The following TPO variants were observed in gnomAD, a reference collection of about 807,000 sequenced individuals.
TPO encodes the protein thyroid microsomal antigen.
A neutral mutation model predicts 96.9 loss-of-function variants in TPO; 78 were observed. That is an observed-to-expected ratio of 0.81 (90% CI 0.67 to 0.97). The LOEUF is 0.97. Ranked by LOEUF, TPO falls within the 50% of genes least tolerant of loss-of-function variation. TPO has a pLI of 0.00. For synonymous variants in TPO, 547 were observed against 538.0 expected, an observed-to-expected ratio of 1.02 and a Z score of -0.23; for missense variants, 1,252 against 1,274.8, an observed-to-expected ratio of 0.98 and a Z score of 0.27.
chr2:1,528,750 A>C (rs1573579076), intron 15 of TPO, among the ~76,000 whole-genome samples: 6 of 68,046 alleles, frequency 8.8e-5, no homozygotes, highest in South Asian at 5.9e-4. Context: ...AATCCCCCAC[A>C]CTGTGTGCAG....
At chr2:1,458,158 G>A (rs1668040115) in intron 7 of TPO, among the ~76,000 whole-genome samples, 1 of 151,620 alleles carries the variant, frequency 6.6e-6, no homozygotes, top group South Asian at 2.1e-4. Context: ...ATAGCGTGTG[G>A]ACACGTGTGT....
At chr2:1,537,165 C>T (rs1398098058) in intron 15 of TPO, among the ~76,000 whole-genome samples, 1 of 118,832 alleles carries the variant, frequency 8.4e-6, no homozygotes, top group Admixed American at 9.1e-5. Flanking sequence ...TGCAAGTGCC[C>T]CCTATTTCCC....
intron 11 of TPO, among the ~76,000 whole-genome samples, chr2:1,495,673 C>G (rs925140276): frequency 6.6e-6 from 1 of 152,242 alleles, no homozygotes; most frequent in African/African-American, 2.4e-5. Context: ...GCTGCCCCTC[C>G]ACATCTCCTT....
chr2:1,515,183 C>T (rs1674555136), intron 14 of TPO, among the ~76,000 whole-genome samples: 1 of 152,252 alleles, frequency 6.6e-6, no homozygotes, highest in African/African-American at 2.4e-5. Context: ...CCCCGCACCC[C>T]CAGCCCCAGG....
At chr2:1,403,380 G>A (rs917757642) in intron 1 of TPO, among the ~76,000 whole-genome samples, 2 of 152,188 alleles carry the variant, frequency 1.3e-5, no homozygotes, top group Admixed American at 6.5e-5. Flanking sequence ...TCCTACCATC[G>A]TGAGATAGAA....
Position 1,540,598 on chromosome 2 carries a change from CGCACTG to C in TPO, c.2629_2634del (p.Gly877_Thr878del), listed in dbSNP as rs758750757. The C allele has an allele frequency of 1.2e-6, 2 of 1,613,424 alleles. No individual in the cohort carries two copies. Among genetic ancestry groups the C allele is most frequent in the South Asian group, 2.2e-5 (2 of 91,072 alleles). ...CTGGACACGTGTCTCCCACAGGACA[CGCACTG>C]GCACTAAATCCACACTGCCCATCTC... On this transcript the variant is annotated inframe_deletion, in exon 16 of 17. Transcript: ENST00000329066.
chr2:1,379,943 C>A (rs1292406252), intron 1 of TPO, among the ~76,000 whole-genome samples: 1 of 152,120 alleles, frequency 6.6e-6, no homozygotes, highest in Non-Finnish European at 1.5e-5. Context: ...GTTTTAAGAG[C>A]AGTATAGTTC....
chr2:1,491,245 G>A (rs1202396726), intron 10 of TPO, among the ~76,000 whole-genome samples: 5 of 152,202 alleles, frequency 3.3e-5, no homozygotes, highest in South Asian at 2.1e-4. Context: ...CATCTAAAGT[G>A]ATGTTCTTTC....
At chr2:1,507,196 A>T (rs1002264306) in intron 14 of TPO, among the ~76,000 whole-genome samples, 6 of 152,226 alleles carry the variant, frequency 3.9e-5, no homozygotes, top group African/African-American at 1.4e-4. Context: ...ATAGTTGTAG[A>T]TATGTGGCAT....
chr2:1,418,640 C>T (rs1663197179), intron 2 of TPO, among the ~76,000 whole-genome samples: 1 of 152,226 alleles, frequency 6.6e-6, no homozygotes, highest in African/African-American at 2.4e-5. Context: ...GTATTCATCA[C>T]CACACAGGCT....
chr2:1,503,081 C>T (rs1042562287), intron 13 of TPO, among the ~76,000 whole-genome samples: 7 of 152,336 alleles, frequency 4.6e-5, no homozygotes, highest in African/African-American at 1.2e-4. Flanking sequence ...CCTATGTGGA[C>T]CCCGGCTCCT....
At chr2:1,533,204 TATCC>T (rs1678747341) in intron 15 of TPO, among the ~76,000 whole-genome samples, 1 of 1,902 alleles carries the variant, frequency 5.3e-4, no homozygotes, top group Admixed American at 7.5e-3. Context: ...AATCTCCCCA[TATCC>T]CCCCATATCC....
intron 14 of TPO, among the ~76,000 whole-genome samples, chr2:1,506,815 T>G (rs1673515787): frequency 6.6e-6 from 1 of 152,230 alleles, no homozygotes; most frequent in African/African-American, 2.4e-5. Context: ...TTGCAAAAAT[T>G]TTCTCCCATT....
intron 1 of TPO, among the ~76,000 whole-genome samples, chr2:1,408,371 T>C (rs1662276902): frequency 6.6e-6 from 1 of 152,222 alleles, no homozygotes; most frequent in Non-Finnish European, 1.5e-5. Context: ...CACTTCCCAG[T>C]TAATTGCACC....
At chr2:1,390,313 G>A (rs376094547) in intron 1 of TPO, among the ~76,000 whole-genome samples, 56 of 152,044 alleles carry the variant, frequency 3.7e-4, no homozygotes, top group African/African-American at 1.1e-3. Flanking sequence ...TGATGGTTTC[G>A]AGCTTCATCC....
intron 16 of TPO, 198 bp downstream of exon 16, chr2:1,540,921 G>T: frequency 6.5e-7 from 1 of 1,537,804 alleles, no homozygotes; most frequent in Non-Finnish European, 8.8e-7. Context: ...CTTAGTGAGA[G>T]GAATGAAGAT....
chr2:1,522,904 A>C (rs1199932177), intron 15 of TPO, among the ~76,000 whole-genome samples: 2 of 99,822 alleles, frequency 2.0e-5, no homozygotes, highest in Non-Finnish European at 2.0e-5. Context: ...AAATCCCCCC[A>C]CTGTGTGCAA....
At chr2:1,499,085 C>T (rs1558368250) in intron 13 of TPO, among the ~76,000 whole-genome samples, 1 of 152,034 alleles carries the variant, frequency 6.6e-6, no homozygotes, top group African/African-American at 2.4e-5. Flanking sequence ...TATGAATGAC[C>T]CCAAAGTGCT....
chr2:1,402,458 G>C (rs1454453650), intron 1 of TPO, among the ~76,000 whole-genome samples: 1 of 152,162 alleles, frequency 6.6e-6, no homozygotes, highest in Non-Finnish European at 1.5e-5. Context: ...AGCCAAGGGG[G>C]GTGGGGGATT....
Sources: gnomAD v4.1 joint callset for allele counts (sites outside exome capture counted in the v4.1 genomes callset) on GRCh38, gnomAD v4.1.1 for gene constraint, MANE v1.5 for transcripts, NCBI Gene and HGNC (gene_info 2026-07-23, HGNC 2026-07-21) for gene names.